WWOX: variants seen among roughly 807,000 people sequenced by gnomAD.
WWOX encodes WW domain-containing oxidoreductase.
In WWOX, 69 loss-of-function variants were observed where a neutral mutation model predicts 46.2. The observed-to-expected ratio is 1.49, with a 90% CI of 1.23 to 1.82. The LOEUF (loss-of-function observed/expected upper bound fraction) is 1.82. Among genes scored for constraint, WWOX ranks in the 40% most tolerant of loss-of-function variants. The pLI is 0.00. For missense variants in WWOX, 919 were observed against 542.6 expected, an observed-to-expected ratio of 1.69 and a Z score of -6.89; for synonymous variants, 359 against 202.6, an observed-to-expected ratio of 1.77 and a Z score of -6.56.
At chr16:78,249,541 A>C (rs1401281702) in intron 5 of WWOX, among the ~76,000 whole-genome samples, 2 of 152,232 alleles carry the variant, frequency 1.3e-5, no homozygotes, top group African/African-American at 2.4e-5. Flanking sequence ...TTTCAGGAGC[A>C]GCCTGGGCTG....
At chr16:78,806,815 C>A (rs1018212057) in intron 8 of WWOX, among the ~76,000 whole-genome samples, 4 of 152,156 alleles carry the variant, frequency 2.6e-5, no homozygotes. Context: ...GAATGTGGGA[C>A]TGGACATACT....
intron 6 of WWOX, among the ~76,000 whole-genome samples, chr16:78,404,041 C>T (rs1255064412): frequency 1.3e-5 from 2 of 152,238 alleles, no homozygotes; most frequent in Middle Eastern, 3.4e-3. Flanking sequence ...AAGTCTTTTG[C>T]AAAGGGCGAG....
chr16:79,144,890 G>A (rs144483786), intron 8 of WWOX, among the ~76,000 whole-genome samples: 1 of 152,200 alleles, frequency 6.6e-6, no homozygotes, highest in African/African-American at 2.4e-5. Flanking sequence ...CTCTTACTGT[G>A]CCTAATTTAT....
chr16:78,895,332 A>G (rs916200305), intron 8 of WWOX: 2 of 152,192 alleles, frequency 1.3e-5, no homozygotes, highest in African/African-American at 4.8e-5. Context: ...TGTGCATACA[A>G]CATCTTCCTT....
chr16:78,411,688 C>T (rs1480416229), intron 6 of WWOX, among the ~76,000 whole-genome samples: 1 of 152,056 alleles, frequency 6.6e-6, no homozygotes, highest in Non-Finnish European at 1.5e-5. Flanking sequence ...TAGGCTTTAA[C>T]CAGTATTCAT....
chr16:78,215,587 T>C (rs1257529347), intron 5 of WWOX, among the ~76,000 whole-genome samples: 1 of 152,180 alleles, frequency 6.6e-6, no homozygotes, highest in African/African-American at 2.4e-5. Context: ...CCTCTTTCCT[T>C]TATACATTAC....
chr16:78,969,670 A>G (rs959150057), intron 8 of WWOX, among the ~76,000 whole-genome samples: 2 of 152,150 alleles, frequency 1.3e-5, no homozygotes, highest in Non-Finnish European at 2.9e-5. Flanking sequence ...TGCAGCTTTA[A>G]TAAAGAAGAG....
intron 5 of WWOX, among the ~76,000 whole-genome samples, chr16:78,316,457 C>T (rs916052531): frequency 3.3e-5 from 5 of 152,088 alleles, no homozygotes; most frequent in Non-Finnish European, 2.9e-5. Context: ...ATTCTCCTGC[C>T]TCAGGCTCCT....
intron 8 of WWOX, among the ~76,000 whole-genome samples, chr16:79,130,636 C>G (rs1023246484): frequency 2.6e-5 from 4 of 152,160 alleles, no homozygotes; most frequent in African/African-American, 9.7e-5. Context: ...ATGCTGATCA[C>G]TTAGGAAGCC....
chr16:79,204,552 C>T (rs978616400), intron 8 of WWOX: 1 of 152,172 alleles, frequency 6.6e-6, no homozygotes, highest in Non-Finnish European at 1.5e-5. Context: ...TCCTTTGGAA[C>T]ATCGATGGCA....
rs72795606 is a variant in WWOX, at chr16:79,024,997, C to T, written c.1057-186611C>T. 6.1e-3 allele frequency among the ~76,000 whole-genome samples: 929 copies of T among 152,284 alleles called. 3 individuals carry two copies. The highest frequency in any genetic ancestry group is 0.014 in the Middle Eastern group (4 of 294). ...CAGGAGTTCAATCCTAGGACCTGAG[C>T]TGATGTAAATGAAGCACCGCCAGGC... On this transcript the variant is annotated intron_variant, in intron 8 of 8. Transcript: ENST00000566780.
rs115920651 is a variant in WWOX at position 78,461,279 on chromosome 16, A to G, written c.1056+28527A>G. Among the ~76,000 whole-genome samples the G allele has an allele frequency of 5.0e-3, 759 of 152,306 alleles. 8 individuals carry two copies. Among genetic ancestry groups the G allele is most frequent in the African/African-American group, 0.018 (729 of 41,578 alleles). On this transcript the variant is annotated intron_variant, in intron 8 of 8. Coordinates refer to ENST00000566780, the MANE Select transcript of WWOX (RefSeq NM_016373.4). ...TCCTGTATTTGACACAGCCCCTCCC[A>G]GCATTCTGAGTCATCGTCTGCTGCT... is the stretch of plus-strand genomic sequence containing the variant.
chr16:79,003,952 T>C (rs953865399), intron 8 of WWOX, among the ~76,000 whole-genome samples: 2 of 152,194 alleles, frequency 1.3e-5, no homozygotes, highest in African/African-American at 4.8e-5. Context: ...CTTTGCTCTT[T>C]GCCCTTCCCT....
chr16:78,856,030 C>T (rs1218171726), intron 8 of WWOX, among the ~76,000 whole-genome samples: 1 of 152,174 alleles, frequency 6.6e-6, no homozygotes, highest in Non-Finnish European at 1.5e-5. Context: ...ACTTGCAGGG[C>T]AAGGCAAATA....
At chr16:78,870,510 A>C (rs537774778) in intron 8 of WWOX, among the ~76,000 whole-genome samples, 2 of 152,208 alleles carry the variant, frequency 1.3e-5, no homozygotes, top group South Asian at 4.1e-4. Flanking sequence ...AGATTAAAAA[A>C]AAAACAAAAA....
chr16:78,359,270 A>G (rs993475356), intron 5 of WWOX, among the ~76,000 whole-genome samples: 1 of 152,184 alleles, frequency 6.6e-6, no homozygotes, highest in African/African-American at 2.4e-5. Context: ...ATTTGTTCCA[A>G]TATTCTTTTC....
intron 8 of WWOX, among the ~76,000 whole-genome samples, chr16:78,717,518 G>A (rs948484044): frequency 1.3e-5 from 2 of 152,150 alleles, no homozygotes; most frequent in African/African-American, 2.4e-5. Context: ...ACTGTTGGAA[G>A]GGTCTGCTGT....
At chr16:78,125,234 A>G (rs2033312016) in intron 4 of WWOX, among the ~76,000 whole-genome samples, 1 of 152,126 alleles carries the variant, frequency 6.6e-6, no homozygotes, top group Non-Finnish European at 1.5e-5. Context: ...GATAATGTCG[A>G]AAGGAAAGAG....
chr16:78,375,352 T>C (rs1053181907), intron 5 of WWOX, among the ~76,000 whole-genome samples: 1 of 152,224 alleles, frequency 6.6e-6, no homozygotes, highest in Non-Finnish European at 1.5e-5. Context: ...AAATGGCTTA[T>C]GGTAAGTTGT....
Sources: gnomAD v4.1 joint callset for allele counts (sites outside exome capture counted in the v4.1 genomes callset) on GRCh38, gnomAD v4.1.1 for gene constraint, MANE v1.5 for transcripts, NCBI Gene and HGNC (gene_info 2026-07-23, HGNC 2026-07-21) for gene names.